LDB2: variants seen among roughly 807,000 people sequenced by gnomAD.
The protein encoded by LDB2 is LIM domain-binding protein 2.
Under a neutral mutation model 44.3 loss-of-function variants are expected in LDB2, and 12 were observed. That is an observed-to-expected ratio of 0.27 (90% confidence interval 0.17 to 0.44). The LOEUF is 0.44. Ranked by LOEUF, LDB2 falls within the 20% of genes least tolerant of loss-of-function variation. LDB2 has a pLI of 1.00. For synonymous variants in LDB2, 164 were observed against 174.8 expected, an observed-to-expected ratio of 0.94 and a Z score of 0.49; for missense variants, 344 against 473.5, an observed-to-expected ratio of 0.73 and a Z score of 2.54.
intron 1 of LDB2, among the ~76,000 whole-genome samples, chr4:16,842,569 A>G (rs564574933): frequency 1.3e-5 from 2 of 152,326 alleles, no homozygotes; most frequent in East Asian, 3.9e-4. Flanking sequence ...AATACACCCC[A>G]TGAGTGATCT....
intron 5 of LDB2, among the ~76,000 whole-genome samples, chr4:16,581,958 TAAAAG>T (rs775112764): frequency 4.2e-5 from 4 of 94,468 alleles, no homozygotes; most frequent in African/African-American, 4.3e-5. Flanking sequence ...GGGAGGGAAA[TAAAAG>T]AAAGAAGGAA....
At chr4:16,830,643 A>G (rs1437487633) in intron 1 of LDB2, among the ~76,000 whole-genome samples, 1 of 152,224 alleles carries the variant, frequency 6.6e-6, no homozygotes, top group African/African-American at 2.4e-5. Context: ...GAGCAAGCAT[A>G]TTCCTTTTTG....
chr4:16,637,893 G>A (rs1209055764), intron 2 of LDB2, among the ~76,000 whole-genome samples: 1 of 152,148 alleles, frequency 6.6e-6, no homozygotes, highest in African/African-American at 2.4e-5. Flanking sequence ...GGGGCACAGG[G>A]TACTGCATTC....
At chr4:16,503,337 T>C (rs537603121) in intron 7 of LDB2, among the ~76,000 whole-genome samples, 2 of 152,218 alleles carry the variant, frequency 1.3e-5, no homozygotes, top group South Asian at 2.1e-4. Flanking sequence ...AATTCTGCAA[T>C]ATTCACACAA....
At chr4:16,601,266 C>A (rs892858223) in intron 2 of LDB2, among the ~76,000 whole-genome samples, 1 of 152,146 alleles carries the variant, frequency 6.6e-6, no homozygotes, top group Non-Finnish European at 1.5e-5. Context: ...CCTTACCAAA[C>A]TGCAATTCTC....
chr4:16,595,894 GA>G lies in LDB2; in HGVS notation c.236-20del, dbSNP rs1293146499. 1 of 1,610,140 alleles carries G rather than the reference GA, an allele frequency of 6.2e-7. No homozygotes were observed. The highest frequency in any genetic ancestry group is 8.5e-7 in the Non-Finnish European group (1 of 1,177,648). ...CCGATAGCTGGGAGAGAAACACAGA[GA>G]AACAAACCATTAACAAAAATATCCC... On this transcript the variant is annotated intron_variant, in intron 2 of 7. Transcript: ENST00000304523.
At chr4:16,700,410 T>C (rs1753187490) in intron 2 of LDB2, among the ~76,000 whole-genome samples, 1 of 152,226 alleles carries the variant, frequency 6.6e-6, no homozygotes, top group Admixed American at 6.5e-5. Context: ...TAAGAAGATA[T>C]TCTTATCCTG....
At chr4:16,706,583 G>A (rs1422390574) in intron 2 of LDB2, among the ~76,000 whole-genome samples, 3 of 152,206 alleles carry the variant, frequency 2.0e-5, no homozygotes, top group African/African-American at 7.2e-5. Flanking sequence ...GATTCTGGGT[G>A]TTAAGTTATT....
At chr4:16,692,770 A>G (rs562568911) in intron 2 of LDB2, among the ~76,000 whole-genome samples, 3 of 152,208 alleles carry the variant, frequency 2.0e-5, no homozygotes, top group Admixed American at 2.0e-4. Context: ...CATGAGGCTG[A>G]GTTGACCTGT....
intron 5 of LDB2, among the ~76,000 whole-genome samples, chr4:16,564,909 G>A (rs977449025): frequency 1.3e-5 from 2 of 152,058 alleles, no homozygotes; most frequent in African/African-American, 2.4e-5. Context: ...CATGAGGCTC[G>A]GATATTAGTA....
chr4:16,835,366 T>C (rs912472216), intron 1 of LDB2, among the ~76,000 whole-genome samples: 1 of 152,224 alleles, frequency 6.6e-6, no homozygotes, highest in African/African-American at 2.4e-5. Flanking sequence ...CTTGAAATCA[T>C]GTAAATGGAA....
intron 2 of LDB2, among the ~76,000 whole-genome samples, chr4:16,723,076 T>C (rs960444313): frequency 4.6e-5 from 7 of 152,214 alleles, no homozygotes; most frequent in African/African-American, 1.7e-4. Context: ...GGAGCATCTG[T>C]ACTGTGTTTA....
At chr4:16,769,594 C>G (rs1417913262) in intron 1 of LDB2, among the ~76,000 whole-genome samples, 4 of 151,400 alleles carry the variant, frequency 2.6e-5, no homozygotes, top group Non-Finnish European at 2.9e-5. Context: ...CTGTGCCCAG[C>G]CCTATGGGAT....
chr4:16,647,153 T>C (rs1737020306), intron 2 of LDB2, among the ~76,000 whole-genome samples: 2 of 152,190 alleles, frequency 1.3e-5, no homozygotes, highest in South Asian at 2.1e-4. Context: ...TGATATATAG[T>C]ACAACTTGGA....
Position 16,606,620 on chromosome 4 carries a change from G to A in LDB2, c.236-10745C>T, listed in dbSNP as rs373675499. 1.0e-3 allele frequency among the ~76,000 whole-genome samples: 156 copies of A among 152,304 alleles called. No homozygotes were observed. In the South Asian group the frequency reaches 0.031, roughly 30 times the overall value. Reference sequence around the variant, plus strand: ...AATTAATGACAGGCATCCAGCTCATGTGGTTATTGCTCCAAGTGACTAATT... The same window carrying A: ...AATTAATGACAGGCATCCAGCTCATATGGTTATTGCTCCAAGTGACTAATT... On this transcript the variant is annotated intron_variant, in intron 2 of 7. Coordinates refer to ENST00000304523, the MANE Select transcript of LDB2 (RefSeq NM_001290.5).
chr4:16,607,691 C>A (rs1191706576), intron 2 of LDB2, among the ~76,000 whole-genome samples: 1 of 152,238 alleles, frequency 6.6e-6, no homozygotes, highest in East Asian at 1.9e-4. Context: ...ACTCATCACA[C>A]TGCATTGTAA....
intron 7 of LDB2, 41 bp downstream of exon 7, chr4:16,508,492 CAG>C: frequency 2.1e-6 from 3 of 1,457,032 alleles, no homozygotes; most frequent in Non-Finnish European, 2.7e-6. Context: ...GAGTAGGAAG[CAG>C]ACAGTTAGGA....
chr4:16,817,475 T>TA (rs1409417784), intron 1 of LDB2, among the ~76,000 whole-genome samples: 4 of 152,338 alleles, frequency 2.6e-5, no homozygotes, highest in African/African-American at 9.6e-5. Flanking sequence ...TATTCATTCC[T>TA]AAGGCCAGTT....
chr4:16,590,742 C>G (rs1001216933), intron 3 of LDB2, among the ~76,000 whole-genome samples: 6 of 152,188 alleles, frequency 3.9e-5, no homozygotes, highest in African/African-American at 1.2e-4. Context: ...TTAGCAGGAC[C>G]TGTGGGTAAT....
Sources: gnomAD v4.1 joint callset for allele counts (sites outside exome capture counted in the v4.1 genomes callset) on GRCh38, gnomAD v4.1.1 for gene constraint, MANE v1.5 for transcripts, NCBI Gene and HGNC (gene_info 2026-07-23, HGNC 2026-07-21) for gene names.